The following CNTNAP2 variants were observed in gnomAD, a reference collection of about 807,000 sequenced individuals.
The protein encoded by CNTNAP2 is contactin associated protein 2.
CNTNAP2 carries 98 observed loss-of-function variants against 155.2 expected under a neutral mutation model. That is an observed-to-expected ratio of 0.63 (90% CI 0.54 to 0.75). The LOEUF (loss-of-function observed/expected upper bound fraction) is 0.75. Among genes scored for constraint, CNTNAP2 ranks in the 30% least tolerant of loss-of-function variants. The pLI, the probability that CNTNAP2 is intolerant of heterozygous loss-of-function variation, is 0.00. For synonymous variants in CNTNAP2, 651 were observed against 631.2 expected, an observed-to-expected ratio of 1.03 and a Z score of -0.47; for missense variants, 1,727 against 1,688.1, an observed-to-expected ratio of 1.02 and a Z score of -0.40.
intron 3 of CNTNAP2, among the ~76,000 whole-genome samples, chr7:146,906,942 C>T (rs1440025030): frequency 6.8e-6 from 1 of 146,982 alleles, no homozygotes; most frequent in African/African-American, 2.5e-5. Context: ...ATAACCAATA[C>T]AGAGAAGTGC....
At chr7:147,324,355 C>T (rs893688964) in intron 9 of CNTNAP2, among the ~76,000 whole-genome samples, 1 of 152,084 alleles carries the variant, frequency 6.6e-6, no homozygotes, top group Non-Finnish European at 1.5e-5. Flanking sequence ...TTATTGTGTC[C>T]TAGAAGACAA....
chr7:147,313,379 G>A (rs1029775441), intron 9 of CNTNAP2, among the ~76,000 whole-genome samples: 29 of 150,408 alleles, frequency 1.9e-4, no homozygotes, highest in Admixed American at 5.3e-4. Flanking sequence ...TTTCTTCTAG[G>A]GTTTTTATGG....
chr7:146,354,229 A>C (rs1794963748), intron 1 of CNTNAP2, among the ~76,000 whole-genome samples: 1 of 152,118 alleles, frequency 6.6e-6, no homozygotes, highest in Non-Finnish European at 1.5e-5. Context: ...TGAGCTTTAG[A>C]TTCTAAATGC....
In CNTNAP2 at chr7:147,977,885, C is replaced by G; in HGVS notation, c.2279C>G (p.Ser760Ter). 6.2e-7 allele frequency: 1 copy of G among 1,614,092 alleles called. No individual in the cohort carries two copies. The highest frequency in any genetic ancestry group is 8.5e-7 in the Non-Finnish European group (1 of 1,180,012). ...AGGAGGAAGGATGCTGGTTTCTTAT[C>G]ATACAAAGATCACCTGCCAGTGAGC... is the stretch of plus-strand genomic sequence containing the variant. Reference protein sequence around the residue: ...KQWRKDAGFLSYKDHLPVSQV... With the variant: ...KQWRKDAGFL Residue 760 changes from serine to a stop codon, truncating the protein, a stop_gained, in exon 15 of 24, where the codon TCA (serine) becomes TGA (stop). Transcript: ENST00000361727. LOFTEE classifies it high-confidence loss of function.
At chr7:146,427,550 C>T (rs537399470) in intron 1 of CNTNAP2, among the ~76,000 whole-genome samples, 21 of 152,166 alleles carry the variant, frequency 1.4e-4, no homozygotes, top group African/African-American at 5.1e-4. Flanking sequence ...AGAAATCTAG[C>T]CATTGAACAG....
At chr7:146,696,333 C>T (rs944948398) in intron 1 of CNTNAP2, among the ~76,000 whole-genome samples, 3 of 152,066 alleles carry the variant, frequency 2.0e-5, no homozygotes, top group Non-Finnish European at 2.9e-5. Context: ...AAAATGCTTA[C>T]GCCTAATTTC....
chr7:146,518,643 C>T (rs181929235), intron 1 of CNTNAP2, among the ~76,000 whole-genome samples: 1 of 151,820 alleles, frequency 6.6e-6, no homozygotes, highest in Admixed American at 6.6e-5. Flanking sequence ...AAAATTCAAA[C>T]ATTTTGATCA....
At chr7:147,166,128 C>T (rs1448909374) in intron 8 of CNTNAP2, among the ~76,000 whole-genome samples, 3 of 151,934 alleles carry the variant, frequency 2.0e-5, no homozygotes, top group Admixed American at 1.3e-4. Flanking sequence ...TGGAACCAGC[C>T]CAAATGACCA....
At chr7:148,016,665 A>G (rs1802181876) in intron 15 of CNTNAP2, among the ~76,000 whole-genome samples, 1 of 152,238 alleles carries the variant, frequency 6.6e-6, no homozygotes. Flanking sequence ...AGAGAAGTTT[A>G]AAGAAGGAAG....
intron 1 of CNTNAP2, among the ~76,000 whole-genome samples, chr7:146,196,273 C>T (rs977399174): frequency 9.9e-5 from 15 of 152,084 alleles, no homozygotes; most frequent in Admixed American, 2.6e-4. Context: ...CATGGAATTA[C>T]CTTATTTATT....
chr7:147,079,165 G>C (rs566945568), intron 4 of CNTNAP2, among the ~76,000 whole-genome samples: 2 of 152,058 alleles, frequency 1.3e-5, no homozygotes, highest in Non-Finnish European at 2.9e-5. Context: ...AAGATTTTAC[G>C]CATTTTGACT....
intron 12 of CNTNAP2, among the ~76,000 whole-genome samples, chr7:147,579,410 AC>A (rs992938614): frequency 5.3e-4 from 81 of 152,288 alleles, no homozygotes; most frequent in Middle Eastern, 3.4e-3. Context: ...ATTGTGTGGA[AC>A]TTATAATGTT....
chr7:147,193,493 G>C (rs1322840862), intron 8 of CNTNAP2, among the ~76,000 whole-genome samples: 1 of 152,138 alleles, frequency 6.6e-6, no homozygotes, highest in Non-Finnish European at 1.5e-5. Flanking sequence ...AGCCCACAAG[G>C]AATCACATTC....
intron 15 of CNTNAP2, among the ~76,000 whole-genome samples, chr7:148,090,267 A>C (rs1164832946): frequency 6.6e-6 from 1 of 152,100 alleles, no homozygotes; most frequent in Non-Finnish European, 1.5e-5. Context: ...AATGACATCA[A>C]ACTAAAAAGC....
chr7:147,240,689 G>T (rs1024917370), intron 8 of CNTNAP2, among the ~76,000 whole-genome samples: 1 of 152,184 alleles, frequency 6.6e-6, no homozygotes, highest in African/African-American at 2.4e-5. Flanking sequence ...CCACAGCACT[G>T]AGTAGGTCTC....
intron 20 of CNTNAP2, 38 bp downstream of exon 20, chr7:148,229,817 G>T (rs764705896): frequency 1.2e-6 from 2 of 1,610,526 alleles, no homozygotes; most frequent in Admixed American, 1.7e-5. Context: ...ATATAATATC[G>T]CATTATAGTC....
intron 8 of CNTNAP2, among the ~76,000 whole-genome samples, chr7:147,243,559 G>A (rs1803990300): frequency 6.6e-6 from 1 of 152,008 alleles, no homozygotes; most frequent in African/African-American, 2.4e-5. Context: ...TAGTGGGTGG[G>A]TACTCAAGGA....
chr7:146,468,384 A>C (rs1796745811), intron 1 of CNTNAP2, among the ~76,000 whole-genome samples: 1 of 152,050 alleles, frequency 6.6e-6, no homozygotes, highest in South Asian at 2.1e-4. Flanking sequence ...AGAATCATGC[A>C]ATACACCCAG....
chr7:147,572,405 T>A (rs530727691), intron 12 of CNTNAP2, among the ~76,000 whole-genome samples: 1 of 152,118 alleles, frequency 6.6e-6, no homozygotes, highest in Admixed American at 6.5e-5. Context: ...CAAGATGAAG[T>A]GGCTTTAGGT....
Sources: allele counts gnomAD v4.1 joint callset (sites outside exome capture counted in the v4.1 genomes callset), GRCh38; gene constraint gnomAD v4.1.1; transcripts MANE v1.5; gene names NCBI Gene and HGNC (gene_info 2026-07-23, HGNC 2026-07-21).